The following KIF15 variants were observed in gnomAD, a reference collection of about 807,000 sequenced individuals.
KIF15 encodes kinesin family member 15.
A neutral mutation model predicts 190.6 loss-of-function variants in KIF15; 140 were observed. The observed-to-expected ratio is 0.73, with a 90% confidence interval of 0.64 to 0.84. KIF15 has a LOEUF of 0.84. Among genes scored for constraint, KIF15 ranks in the 40% least tolerant of loss-of-function variants. KIF15 has a pLI of 0.00. For missense variants in KIF15, 1,372 were observed against 1,584.4 expected (o/e 0.87, Z 2.28); for synonymous variants, 528 against 551.3 (o/e 0.96, Z 0.59).
chr3:44,766,717 A>C (rs1465892328), intron 1 of KIF15, among the ~76,000 whole-genome samples: 1 of 151,664 alleles, frequency 6.6e-6, no homozygotes, highest in Non-Finnish European at 1.5e-5. Flanking sequence ...ATGAATTTTC[A>C]TGAATGTTCT....
chr3:44,783,952 G>T (rs1706283580), intron 5 of KIF15, among the ~76,000 whole-genome samples: 1 of 152,026 alleles, frequency 6.6e-6, no homozygotes, highest in Admixed American at 6.6e-5. Flanking sequence ...CCTGCTATTT[G>T]CATATCCACT....
chr3:44,798,674 G>A (rs9859879), intron 10 of KIF15, among the ~76,000 whole-genome samples: 64,690 of 151,992 alleles, frequency 0.43, 15,460 homozygotes, highest in East Asian at 0.84. Flanking sequence ...AAAGTGCTGG[G>A]ATTACAGGTG....
At chr3:44,846,788 A>AAT (rs1362198727) in intron 30 of KIF15, among the ~76,000 whole-genome samples, 10 of 152,080 alleles carry the variant, frequency 6.6e-5, no homozygotes, top group East Asian at 5.8e-4. Context: ...AAAAAAAAAA[A>AAT]AAAAGTTTTT....
intron 7 of KIF15, among the ~76,000 whole-genome samples, chr3:44,788,484 C>T (rs190222268): frequency 2.0e-5 from 3 of 150,242 alleles, no homozygotes; most frequent in African/African-American, 2.5e-5. Flanking sequence ...GACAGGGTCT[C>T]GCTCTGTCAC....
chr3:44,826,773 G>A (rs1172151464), intron 22 of KIF15, among the ~76,000 whole-genome samples: 2 of 152,158 alleles, frequency 1.3e-5, no homozygotes, highest in African/African-American at 2.4e-5. Flanking sequence ...ATTGGAAGGA[G>A]GAGACAGATT....
chr3:44,828,035 TG>T (rs1314976438), intron 23 of KIF15, among the ~76,000 whole-genome samples, 178 bp from the exon 24 acceptor site: 10 of 152,204 alleles, frequency 6.6e-5, no homozygotes, highest in Admixed American at 6.5e-4. Flanking sequence ...AATAATTTGT[TG>T]GTAGTCTCCT....
intron 5 of KIF15, among the ~76,000 whole-genome samples, 174 bp from the exon 6 acceptor site, chr3:44,784,671 G>A (rs1460534145): frequency 2.0e-5 from 3 of 152,128 alleles, no homozygotes; most frequent in African/African-American, 7.2e-5. Flanking sequence ...GCAGATTTTG[G>A]TACCTGGCAG....
intron 1 of KIF15, among the ~76,000 whole-genome samples, chr3:44,773,669 T>A (rs1463378003): frequency 6.6e-6 from 1 of 152,182 alleles, no homozygotes; most frequent in Non-Finnish European, 1.5e-5. Context: ...TTTCCTCTAT[T>A]CTCAGAAGAA....
intron 29 of KIF15, among the ~76,000 whole-genome samples, chr3:44,842,772 G>A (rs1049993832): frequency 9.8e-5 from 15 of 152,302 alleles, no homozygotes; most frequent in African/African-American, 9.6e-5. Flanking sequence ...GAGCTGTGAC[G>A]TCAATTTTTT....
At chr3:44,774,472 G>A (rs773419430) in intron 2 of KIF15, 35 bp downstream of exon 2, 20 of 1,548,554 alleles carry the variant, frequency 1.3e-5, no homozygotes, top group Non-Finnish European at 1.8e-5. Flanking sequence ...AGCTCCCAAA[G>A]GACTAGGGAT....
chr3:44,847,874 T>G (rs1698917606), intron 30 of KIF15, 111 bp from the exon 31 acceptor site: 10 of 742,702 alleles, frequency 1.3e-5, no homozygotes. Flanking sequence ...TTAGCCTTTC[T>G]TTGTACACCT....
intron 3 of KIF15, among the ~76,000 whole-genome samples, chr3:44,775,988 G>A (rs1186471115): frequency 1.3e-5 from 2 of 151,374 alleles, no homozygotes; most frequent in African/African-American, 2.4e-5. Flanking sequence ...GCTGAGGCAA[G>A]AGAATGGCAT....
intron 3 of KIF15, among the ~76,000 whole-genome samples, chr3:44,777,860 C>T (rs1705968724): frequency 6.6e-6 from 1 of 152,146 alleles, no homozygotes; most frequent in Admixed American, 6.5e-5. Context: ...AGTACCAGTA[C>T]AATATCTACA....
chr3:44,807,288 G>A (rs997801823), intron 16 of KIF15, among the ~76,000 whole-genome samples: 7 of 150,350 alleles, frequency 4.7e-5, no homozygotes, highest in African/African-American at 7.3e-5. Flanking sequence ...GCAGTGGCAC[G>A]ATCTTGGCTC....
chr3:44,838,514 G>C, intron 27 of KIF15, 93 bp downstream of exon 27: 2 of 1,280,292 alleles, frequency 1.6e-6, no homozygotes. Flanking sequence ...GAGGCCAAGG[G>C]GGTGGACCAC....
downstream of KIF15, among the ~76,000 whole-genome samples, chr3:44,857,842 A>T (rs564270162): frequency 6.6e-6 from 1 of 152,312 alleles, no homozygotes; most frequent in African/African-American, 2.4e-5. Flanking sequence ...ATGGAGAAGA[A>T]ATTGAGCTTT....
intron 28 of KIF15, among the ~76,000 whole-genome samples, 200 bp downstream of exon 28, chr3:44,840,656 T>G (rs1321283903): frequency 5.3e-5 from 2 of 37,962 alleles, no homozygotes; most frequent in African/African-American, 1.9e-4. Flanking sequence ...AAGCAGCGGA[T>G]TTTTTTTTTT....
At chr3:44,774,688 A>G (rs1302385476) in intron 2 of KIF15, among the ~76,000 whole-genome samples, 1 of 152,232 alleles carries the variant, frequency 6.6e-6, no homozygotes, top group African/African-American at 2.4e-5. Context: ...AGAGACAAGC[A>G]CTACTTGGAA....
intron 30 of KIF15, among the ~76,000 whole-genome samples, chr3:44,844,858 C>T (rs375810804): frequency 1.3e-5 from 2 of 152,062 alleles, no homozygotes; most frequent in South Asian, 2.1e-4. Flanking sequence ...TGGATGCAGC[C>T]GTAAATCAAG....
Sources: gnomAD v4.1 joint callset for allele counts (sites outside exome capture counted in the v4.1 genomes callset) on GRCh38, gnomAD v4.1.1 for gene constraint, MANE v1.5 for transcripts, NCBI Gene and HGNC (gene_info 2026-07-23, HGNC 2026-07-21) for gene names.